Variants in PCDHA3 observed in about 807,000 individuals in gnomAD.
PCDHA3 encodes the protein protocadherin alpha 3.
A neutral mutation model predicts 62.2 loss-of-function variants in PCDHA3; 41 were observed. The ratio of observed to expected loss-of-function variants is 0.66; its 90% confidence interval spans 0.51 to 0.86. The LOEUF is 0.86. Among genes scored for constraint, PCDHA3 ranks in the 40% least tolerant of loss-of-function variants. PCDHA3 has a pLI of 0.00. For missense variants in PCDHA3, 1,304 were observed against 1,241.2 expected, an observed-to-expected ratio of 1.05 and a Z score of -0.76; for synonymous variants, 640 against 555.4, an observed-to-expected ratio of 1.15 and a Z score of -2.14.
chr5:140,852,714 G>T, intron 1 of PCDHA3: 2 of 980,718 alleles, frequency 2.0e-6, no homozygotes, highest in South Asian at 9.5e-5. Flanking sequence ...CTTTGTCTTT[G>T]CACGTTTTTC....
chr5:140,806,053 G>A (rs1357825181), intron 1 of PCDHA3, among the ~76,000 whole-genome samples: 2 of 152,114 alleles, frequency 1.3e-5, no homozygotes, highest in African/African-American at 2.4e-5. Flanking sequence ...TGGCCCACGC[G>A]ATTCCACCCT....
In PCDHA3 at chr5:140,802,554, C is replaced by A. The variant is rs781941410; in HGVS notation, c.1357C>A (p.Pro453Thr). ...GGTGGCCGACGTGAACGACAATGCG[C>A]CGGCATTCTCGCAGTCCGAGTACAC... ...VEVADVNDNA[P>T]AFSQSEYTVF... is the part of the protein sequence containing the mutation. The change falls in exon 1 of 4, where the codon CCG (proline) becomes ACG (threonine). Residue 453 changes from proline to threonine, a missense_variant. By Grantham distance (38) the Pro-to-Thr change is conservative (BLOSUM62 -1). Coordinates refer to ENST00000522353, the MANE Select transcript of PCDHA3 (RefSeq NM_018906.3). 1 of 1,614,194 alleles carries A rather than the reference C, an allele frequency of 6.2e-7. No homozygotes were observed. Among genetic ancestry groups the A allele is most frequent in the Admixed American group, 1.7e-5 (1 of 60,030 alleles).
At position 141,010,386 on chromosome 5, in the gene PCDHA3, T is replaced by C; in HGVS notation, c.*449T>C. On this transcript the variant is annotated 3_prime_UTR_variant, in exon 4 of 4. Coordinates refer to ENST00000522353, the MANE Select transcript of PCDHA3 (RefSeq NM_018906.3). ...GGGTATGCGAGTGCCAGATATTGGCTGAGACGAGCCAGCTTAGACTAATTG... is the reference window on the plus strand; with the variant it reads ...GGGTATGCGAGTGCCAGATATTGGCCGAGACGAGCCAGCTTAGACTAATTG... The C allele has an allele frequency of 7.1e-7, 1 of 1,413,970 alleles. No homozygotes were observed. The highest frequency in any genetic ancestry group is 9.4e-7 in the Non-Finnish European group (1 of 1,063,616). 87.6% of individuals were successfully genotyped at this position (1,413,970 alleles called of 1,614,324 possible). A position where few individuals can be genotyped will look rare whatever the true frequency, so the allele number is the denominator to read the frequency against.
At chr5:140,927,824 A>C in intron 1 of PCDHA3, 1 of 1,614,182 alleles carries the variant, frequency 6.2e-7, no homozygotes, top group Non-Finnish European at 8.5e-7. Context: ...GCATACATTG[A>C]GGCGAGGGAC....
intron 1 of PCDHA3, among the ~76,000 whole-genome samples, chr5:140,907,186 C>A (rs782137829): frequency 1.3e-4 from 20 of 152,186 alleles, no homozygotes; most frequent in Non-Finnish European, 2.5e-4. Context: ...AGAGCATACA[C>A]AACCTTCTGG....
chr5:140,871,935 T>A (rs373740331), intron 1 of PCDHA3, among the ~76,000 whole-genome samples: 2 of 152,262 alleles, frequency 1.3e-5, no homozygotes, highest in Non-Finnish European at 2.9e-5. Flanking sequence ...TTAGATCAAC[T>A]GGCTTTGTTT....
intron 1 of PCDHA3, chr5:140,882,291 G>A: frequency 6.2e-7 from 1 of 1,613,650 alleles, no homozygotes; most frequent in Non-Finnish European, 8.5e-7. Flanking sequence ...TGGCAAGGAG[G>A]CCCAAGACCG....
intron 1 of PCDHA3, chr5:140,824,356 T>A (rs2150134202): frequency 1.4e-5 from 8 of 579,216 alleles, no homozygotes; most frequent in Non-Finnish European, 2.1e-5. Context: ...TAATATTTTA[T>A]ATTAGCATTT....
At chr5:140,808,157 G>T in intron 1 of PCDHA3, 1 of 1,614,210 alleles carries the variant, frequency 6.2e-7, no homozygotes, top group Non-Finnish European at 8.5e-7. Context: ...AGAGGGCATT[G>T]ATAAGGGACA....
At chr5:140,882,529 T>G (rs1277056302) in intron 1 of PCDHA3, 1 of 1,614,074 alleles carries the variant, frequency 6.2e-7, no homozygotes, top group Non-Finnish European at 8.5e-7. Context: ...TGTTTGTGAA[T>G]TCTCGGATCG....
chr5:140,849,289 A>G, intron 1 of PCDHA3: 1 of 1,220,472 alleles, frequency 8.2e-7, no homozygotes, highest in Non-Finnish European at 1.1e-6. Context: ...ATTCACCCCA[A>G]TGCCTCAGAT....
intron 1 of PCDHA3, chr5:140,967,043 G>A: frequency 6.2e-7 from 1 of 1,612,108 alleles, no homozygotes; most frequent in Non-Finnish European, 8.5e-7. Context: ...CCTGGAGCTG[G>A]ACCTGACGAG....
intron 1 of PCDHA3, among the ~76,000 whole-genome samples, chr5:140,978,103 A>G (rs2096789005): frequency 6.6e-6 from 1 of 152,106 alleles, no homozygotes; most frequent in South Asian, 2.1e-4. Flanking sequence ...AACTCCCCCA[A>G]CAGTCTTTAA....
intron 1 of PCDHA3, among the ~76,000 whole-genome samples, chr5:140,873,809 C>T (rs1554166897): frequency 6.6e-6 from 1 of 152,138 alleles, no homozygotes; most frequent in Non-Finnish European, 1.5e-5. Context: ...TACAGGCATG[C>T]ACCACCACTC....
In PCDHA3 at chr5:140,850,494, G is replaced by A. The variant is rs140796784; in HGVS notation, c.2394+46903G>A. ...GCTGACGGCCACGGCCACTGTGCTGGTGTCGCTGGTGGAGAGCGGCCAGGC... is the reference window on the plus strand; with the variant it reads ...GCTGACGGCCACGGCCACTGTGCTGATGTCGCTGGTGGAGAGCGGCCAGGC... On this transcript the variant is annotated intron_variant, in intron 1 of 3. Transcript: ENST00000522353. The A allele has an allele frequency of 3.1e-5, 50 of 1,598,140 alleles. 3 individuals carry two copies. In the African/African-American group the frequency reaches 5.6e-4, roughly 18 times the overall value.
chr5:140,843,246 C>G (rs1554139882), intron 1 of PCDHA3: 9 of 1,595,918 alleles, frequency 5.6e-6, no homozygotes, highest in Middle Eastern at 1.7e-4. Flanking sequence ...GAAGCGGACT[C>G]TCCGCGCCAC....
chr5:140,875,929 C>T (rs1554168093), intron 1 of PCDHA3: 4 of 1,614,154 alleles, frequency 2.5e-6, no homozygotes, highest in East Asian at 2.2e-5. Context: ...CTCTCATTTT[C>T]CTCTAGAGGG....
At chr5:140,968,661 T>C (rs1554230945) in intron 1 of PCDHA3, 1 of 1,614,182 alleles carries the variant, frequency 6.2e-7, no homozygotes, top group East Asian at 2.2e-5. Flanking sequence ...GACCTGGACC[T>C]CTTTAAGGTA....
At chr5:140,927,893 A>G (rs1554205201) in intron 1 of PCDHA3, 1 of 1,614,050 alleles carries the variant, frequency 6.2e-7, no homozygotes, top group Non-Finnish European at 8.5e-7. Flanking sequence ...ACTGACGTGA[A>G]CGATCATGCC....
Sources: gnomAD v4.1 joint callset for allele counts (sites outside exome capture counted in the v4.1 genomes callset) on GRCh38, gnomAD v4.1.1 for gene constraint, MANE v1.5 for transcripts, NCBI Gene and HGNC (gene_info 2026-07-23, HGNC 2026-07-21) for gene names.